Variants in IL1RAPL2 observed in about 807,000 individuals in gnomAD.
IL1RAPL2 encodes the protein X-linked interleukin-1 receptor accessory protein-like 2.
In IL1RAPL2, 3 loss-of-function variants were observed where a neutral mutation model predicts 44.1. The ratio of observed to expected loss-of-function variants is 0.07; its 90% confidence interval spans 0.03 to 0.18. The LOEUF is 0.18. Among genes scored for constraint, IL1RAPL2 ranks in the 10% least tolerant of loss-of-function variants. The probability of loss-of-function intolerance (pLI) is 1.00; values close to 1 mark genes in which losing one functional copy is unlikely to be tolerated. For missense variants in IL1RAPL2, 391 were observed against 496.4 expected, an observed-to-expected ratio of 0.79 and a Z score of 2.02; for synonymous variants, 181 against 178.8, an observed-to-expected ratio of 1.01 and a Z score of -0.10.
At chrX:104,837,294 G>A (rs1021732575) in intron 2 of IL1RAPL2, among the ~76,000 whole-genome samples, 1 of 111,438 alleles carries the variant, frequency 9.0e-6, no homozygotes, top group African/African-American at 3.3e-5. Context: ...GATCCTTGAG[G>A]AATCACCACA....
At chrX:104,881,185 G>A (rs1376701505) in intron 2 of IL1RAPL2, among the ~76,000 whole-genome samples, 2 of 111,193 alleles carry the variant, frequency 1.8e-5, no homozygotes, top group East Asian at 5.6e-4. Flanking sequence ...TGTTAATTTT[G>A]TAGATATTTT....
intron 2 of IL1RAPL2, among the ~76,000 whole-genome samples, chrX:105,033,647 G>A (rs760359753): frequency 2.7e-5 from 3 of 111,380 alleles, no homozygotes; most frequent in Non-Finnish European, 5.7e-5. Flanking sequence ...CTCTCTGGCT[G>A]CCCTTAACAT....
intron 7 of IL1RAPL2, among the ~76,000 whole-genome samples, chrX:105,721,331 G>A (rs2038302664): frequency 1.8e-5 from 2 of 110,426 alleles, no homozygotes; most frequent in South Asian, 7.9e-4. Flanking sequence ...CGGGAGAATT[G>A]CTTGAACCCG....
At chrX:105,186,892 C>T (rs782317520) in intron 2 of IL1RAPL2, among the ~76,000 whole-genome samples, 1 of 111,645 alleles carries the variant, frequency 9.0e-6, no homozygotes, top group Non-Finnish European at 1.9e-5. Flanking sequence ...ATTGTGTTGG[C>T]CATAGTATAT....
chrX:105,632,182 C>G (rs1037617702), intron 6 of IL1RAPL2, among the ~76,000 whole-genome samples: 4 of 111,310 alleles, frequency 3.6e-5, no homozygotes, highest in African/African-American at 9.8e-5. Flanking sequence ...CCCATGTGAT[C>G]CTCATAAACT....
chrX:104,671,345 A>C (rs1397888581), intron 2 of IL1RAPL2, among the ~76,000 whole-genome samples: 1 of 111,663 alleles, frequency 9.0e-6, no homozygotes, highest in Non-Finnish European at 1.9e-5. Flanking sequence ...AGAACTGTTC[A>C]TATTCCCAGC....
At chrX:105,152,568 C>T (rs1344882658) in intron 2 of IL1RAPL2, among the ~76,000 whole-genome samples, 5 of 112,170 alleles carry the variant, frequency 4.5e-5, no homozygotes, top group Non-Finnish European at 9.4e-5. Flanking sequence ...TTCAAAATCA[C>T]TTAAAAGTCT....
intron 2 of IL1RAPL2, among the ~76,000 whole-genome samples, chrX:104,762,254 C>T (rs1932473855): frequency 9.0e-6 from 1 of 110,883 alleles, no homozygotes; most frequent in African/African-American, 3.3e-5. Flanking sequence ...CTGCCTCGGC[C>T]TCCCAAAGTG....
chrX:105,606,718 A>AAAAG (rs1296274630), intron 6 of IL1RAPL2, among the ~76,000 whole-genome samples: 1 of 111,974 alleles, frequency 8.9e-6, no homozygotes, highest in Non-Finnish European at 1.9e-5. Context: ...TTCTGCCATA[A>AAAAG]AAAGAATTAT....
At chrX:105,377,750 A>G (rs1307033985) in intron 5 of IL1RAPL2, among the ~76,000 whole-genome samples, 17 of 111,171 alleles carry the variant, frequency 1.5e-4, no homozygotes, top group Non-Finnish European at 7.6e-5. Flanking sequence ...AGAAACTCCA[A>G]TGTGAACTTA....
At chrX:105,658,036 T>G (rs1288904932) in intron 6 of IL1RAPL2, among the ~76,000 whole-genome samples, 1 of 111,755 alleles carries the variant, frequency 8.9e-6, no homozygotes, top group African/African-American at 3.3e-5. Flanking sequence ...TTAATAAGAT[T>G]ATTATAACAT....
Position 104,993,383 on chromosome X carries a change from A to G in IL1RAPL2, c.83-202092A>G, listed in dbSNP as rs376393423. 9.8e-5 allele frequency among the ~76,000 whole-genome samples: 11 copies of G among 111,865 alleles called. No homozygotes were observed. The East Asian group carries it at 3.1e-3, about 32-fold the overall frequency. On this transcript the variant is annotated intron_variant, in intron 2 of 10. Coordinates refer to ENST00000372582, the MANE Select transcript of IL1RAPL2 (RefSeq NM_017416.2). ...ATTAAGCTTATGTATACAAGCCAAT[A>G]TTATTTAACAAGGAAGTACAATGTT...
chrX:104,964,303 T>G (rs868066394), intron 2 of IL1RAPL2, among the ~76,000 whole-genome samples: 4 of 107,194 alleles, frequency 3.7e-5, no homozygotes, highest in African/African-American at 1.4e-4. Context: ...TTTATTTATT[T>G]ATTTATTTAT....
At chrX:104,946,379 CAAAAAA>C (rs1157603029) in intron 2 of IL1RAPL2, among the ~76,000 whole-genome samples, 15 of 9,140 alleles carry the variant, frequency 1.6e-3, no homozygotes, top group African/African-American at 5.7e-3. Context: ...GACTCCGTCT[CAAAAAA>C]AAAAAAAAAA....
intron 2 of IL1RAPL2, among the ~76,000 whole-genome samples, chrX:105,156,775 A>G (rs1450530497): frequency 8.9e-6 from 1 of 112,409 alleles, no homozygotes; most frequent in Non-Finnish European, 1.9e-5. Context: ...TACAAACAAA[A>G]TATTTATTTG....
chrX:105,150,988 G>A (rs2033221776), intron 2 of IL1RAPL2, among the ~76,000 whole-genome samples: 1 of 112,272 alleles, frequency 8.9e-6, no homozygotes, highest in African/African-American at 3.2e-5. Flanking sequence ...GATTGTTTAG[G>A]TGTCACTATT....
intron 2 of IL1RAPL2, among the ~76,000 whole-genome samples, chrX:104,827,058 A>G (rs1394372313): frequency 9.6e-6 from 1 of 104,010 alleles, no homozygotes; most frequent in African/African-American, 3.5e-5. Context: ...CAGCACACCG[A>G]TTGGTCTTGA....
Position 105,633,600 on chromosome X carries a change from T to C in IL1RAPL2, c.773-83767T>C, listed in dbSNP as rs114656418. ...TTATGTAGGCAGAGCAGTTGACCTA[T>C]GCGATGTGGACTTAAAAGCCCTAGG... is the stretch of plus-strand genomic sequence containing the variant. On this transcript the variant is annotated intron_variant, in intron 6 of 10. Transcript: ENST00000372582. Among the ~76,000 whole-genome samples, 635 of 111,849 alleles carry C rather than the reference T, an allele frequency of 5.7e-3. 5 individuals carry two copies. Among genetic ancestry groups the C allele is most frequent in the African/African-American group, 0.019 (599 of 30,864 alleles).
chrX:104,693,550 G>A (rs1020449161), intron 2 of IL1RAPL2, among the ~76,000 whole-genome samples: 1 of 111,899 alleles, frequency 8.9e-6, no homozygotes, highest in Admixed American at 9.5e-5. Flanking sequence ...TCATTGAGGA[G>A]CATTTGCAGA....
Sources: gnomAD v4.1 joint callset for allele counts (sites outside exome capture counted in the v4.1 genomes callset) on GRCh38, gnomAD v4.1.1 for gene constraint, MANE v1.5 for transcripts, NCBI Gene and HGNC (gene_info 2026-07-23, HGNC 2026-07-21) for gene names.